SLC6A6: variants seen among roughly 807,000 people sequenced by gnomAD.
SLC6A6 encodes the protein solute carrier family 6 member 6.
SLC6A6 carries 16 observed loss-of-function variants against 68.8 expected under a neutral mutation model. The observed-to-expected ratio is 0.23, with a 90% CI of 0.16 to 0.35. The LOEUF (loss-of-function observed/expected upper bound fraction) is 0.35. SLC6A6 is among the 10% of genes least tolerant of loss of function. The pLI is 1.00. For synonymous variants in SLC6A6, 312 were observed against 315.4 expected (o/e 0.99, Z 0.12); for missense variants, 474 against 802.8 (o/e 0.59, Z 4.95).
intron 2 of SLC6A6, among the ~76,000 whole-genome samples, chr3:14,426,092 C>G (rs1699590773): frequency 6.6e-6 from 1 of 152,192 alleles, no homozygotes; most frequent in African/African-American, 2.4e-5. Context: ...GACCTGGATT[C>G]TAATCCTTGA....
chr3:14,459,883 C>CTTTTT (rs869191764), intron 6 of SLC6A6, among the ~76,000 whole-genome samples: 52 of 40,130 alleles, frequency 1.3e-3, no homozygotes, highest in East Asian at 3.5e-3. Context: ...TAATTCTCTT[C>CTTTTT]TTTTTTTTTT....
chr3:14,464,432 G>A (rs1700568707), intron 6 of SLC6A6, among the ~76,000 whole-genome samples: 1 of 152,184 alleles, frequency 6.6e-6, no homozygotes, highest in Non-Finnish European at 1.5e-5. Context: ...GTTAGGGCAC[G>A]GGCCAGTGAA....
Position 14,485,094 on chromosome 3 carries a change from T to C in SLC6A6, c.*87T>C, listed in dbSNP as rs1311769175. ...GGACCAGGTTTACAGAGCTTTATAT[T>C]TGCACTAGGATTTTTTTTTTTTTGT... On this transcript the variant is annotated 3_prime_UTR_variant, in exon 15 of 15. Coordinates refer to ENST00000622186, the MANE Select transcript of SLC6A6 (RefSeq NM_003043.6). 38 of 1,195,272 alleles carry C rather than the reference T, an allele frequency of 3.2e-5. No individual in the cohort carries two copies. The highest frequency in any genetic ancestry group is 4.3e-5 in the Non-Finnish European group (38 of 877,184). 74.0% of individuals were successfully genotyped at this position (1,195,272 alleles called of 1,614,324 possible). A position where few individuals can be genotyped will look rare whatever the true frequency, so the allele number is the denominator to read the frequency against.
chr3:14,465,797 A>G (rs2124978085), intron 6 of SLC6A6, among the ~76,000 whole-genome samples: 1 of 152,340 alleles, frequency 6.6e-6, no homozygotes, highest in East Asian at 1.9e-4. Flanking sequence ...AGGCTTCTAC[A>G]CACGCACTTG....
At position 14,434,633 on chromosome 3, in the gene SLC6A6, G is replaced by A. The variant is rs575936600; in HGVS notation, c.-11-8991G>A. On this transcript the variant is annotated intron_variant, in intron 2 of 14. Coordinates refer to ENST00000622186, the MANE Select transcript of SLC6A6 (RefSeq NM_003043.6). The stretch of plus-strand genomic sequence containing the variant: ...ACCCAGCTTTCTGACCTCGCCCACT[G>A]CCCTTTCCCCGACTTAGCTGCTTGG... Among the ~76,000 whole-genome samples the A allele has an allele frequency of 1.6e-3, 251 of 152,334 alleles. 1 individual carries two copies. The highest frequency in any genetic ancestry group is 3.3e-3 in the Non-Finnish European group (223 of 68,032).
intron 6 of SLC6A6, among the ~76,000 whole-genome samples, chr3:14,459,406 A>C (rs1700444037): frequency 6.6e-6 from 1 of 152,150 alleles, no homozygotes; most frequent in Non-Finnish European, 1.5e-5. Flanking sequence ...TTACCCTGCA[A>C]GACCTGGGAC....
intron 6 of SLC6A6, among the ~76,000 whole-genome samples, chr3:14,465,409 G>T (rs975443364): frequency 6.6e-6 from 1 of 152,198 alleles, no homozygotes; most frequent in African/African-American, 2.4e-5. Context: ...CCTATTCCCA[G>T]TTAAGGGCCT....
At chr3:14,404,950 T>C (rs1699072757) in intron 1 of SLC6A6, among the ~76,000 whole-genome samples, 1 of 152,244 alleles carries the variant, frequency 6.6e-6, no homozygotes, top group African/African-American at 2.4e-5. Context: ...TTGGACCACA[T>C]CTGCTTTTCA....
chr3:14,458,469 G>GAAGCTGGTAACCTC (rs1700420506), intron 6 of SLC6A6, among the ~76,000 whole-genome samples: 1 of 152,238 alleles, frequency 6.6e-6, no homozygotes, highest in East Asian at 1.9e-4. Context: ...AAATAGGTTA[G>GAAGCTGGTAACCTC]CTGGTAACAG....
At chr3:14,444,948 C>G (rs573468836) in intron 3 of SLC6A6, 1 of 432,452 alleles carries the variant, frequency 2.3e-6, no homozygotes, top group South Asian at 1.6e-5. Context: ...CCCTCTGCCC[C>G]TTACCACCTC....
chr3:14,460,726 A>G (rs1391302982), intron 6 of SLC6A6, among the ~76,000 whole-genome samples: 1 of 152,252 alleles, frequency 6.6e-6, no homozygotes, highest in African/African-American at 2.4e-5. Flanking sequence ...ACCCTTAGCA[A>G]CAACCTCCTT....
chr3:14,413,946 A>T (rs1481842669), intron 1 of SLC6A6, among the ~76,000 whole-genome samples: 1 of 152,040 alleles, frequency 6.6e-6, no homozygotes, highest in African/African-American at 2.4e-5. Context: ...TTTTTTATTT[A>T]TTTATTTTTG....
At position 14,472,363 on chromosome 3, in the gene SLC6A6, C is replaced by T. The variant is rs536018464; in HGVS notation, c.1209+46C>T. The T allele has an allele frequency of 6.7e-6, 8 of 1,200,792 alleles. No homozygotes were observed. The East Asian group carries it at 1.4e-4, about 21-fold the overall frequency. 74.4% of individuals were successfully genotyped at this position (1,200,792 alleles called of 1,614,324 possible). On this transcript the variant is annotated intron_variant, in intron 10 of 14. Coordinates refer to ENST00000622186, the MANE Select transcript of SLC6A6 (RefSeq NM_003043.6). This position sits in a 1 kb window ranked among gnomAD's most constrained non-coding sequence, Gnocchi z 4.5. ...TGGGGCGACTGCCCCTGTGGGGAAC[C>T]TGACTCTGGGAAAGACTCCTTATTC...
intron 5 of SLC6A6, among the ~76,000 whole-genome samples, chr3:14,453,159 G>A (rs1193453365): frequency 1.3e-5 from 2 of 152,182 alleles, no homozygotes; most frequent in Non-Finnish European, 2.9e-5. Context: ...AATGGCTGGC[G>A]TGCAGTCAAA....
intron 1 of SLC6A6, among the ~76,000 whole-genome samples, chr3:14,408,156 G>C (rs1452727103): frequency 6.6e-6 from 1 of 152,116 alleles, no homozygotes; most frequent in Non-Finnish European, 1.5e-5. Context: ...TTATAAGGTA[G>C]TAGATATGTG....
chr3:14,406,053 A>G (rs1291389584), intron 1 of SLC6A6, among the ~76,000 whole-genome samples: 2 of 152,196 alleles, frequency 1.3e-5, no homozygotes, highest in South Asian at 2.1e-4. Flanking sequence ...CATTCTCCAC[A>G]GGGGGCAGAG....
chr3:14,484,842 C>A, intron 14 of SLC6A6, 25 bp from the exon 15 acceptor site: 1 of 1,608,576 alleles, frequency 6.2e-7, no homozygotes, highest in Non-Finnish European at 8.5e-7. Flanking sequence ...ACGTTTCCCC[C>A]CTCACTCCTG....
intron 1 of SLC6A6, among the ~76,000 whole-genome samples, chr3:14,413,491 T>A (rs778890265): frequency 6.6e-5 from 10 of 152,220 alleles, no homozygotes; most frequent in African/African-American, 9.6e-5. Flanking sequence ...ACGTAGTGAC[T>A]CTGAGTCCTC....
At chr3:14,444,770 C>G in intron 3 of SLC6A6, 1 of 456,686 alleles carries the variant, frequency 2.2e-6, no homozygotes. Flanking sequence ...TGATGAGTGT[C>G]CTAGACGCTC....
Sources: allele counts gnomAD v4.1 joint callset (sites outside exome capture counted in the v4.1 genomes callset), GRCh38; gene constraint gnomAD v4.1.1; non-coding constraint Gnocchi (gnomAD v3.1); transcripts MANE v1.5; gene names NCBI Gene and HGNC (gene_info 2026-07-23, HGNC 2026-07-21).